Variants in FHIT observed in about 807,000 individuals in gnomAD.
FHIT encodes the protein fragile histidine triad diadenosine triphosphatase.
Under a neutral mutation model 17.9 loss-of-function variants are expected in FHIT, and 19 were observed. That is an observed-to-expected ratio of 1.06 (90% confidence interval 0.74 to 1.56). FHIT has a LOEUF of 1.56. FHIT is among the 40% of genes most tolerant of loss of function. The pLI is 0.00. For missense variants in FHIT, 248 were observed against 189.2 expected (o/e 1.31, Z -1.82); for synonymous variants, 81 against 69.7 (o/e 1.16, Z -0.81).
intron 7 of FHIT, among the ~76,000 whole-genome samples, chr3:59,923,741 G>C (rs747008327): frequency 6.6e-6 from 1 of 152,098 alleles, no homozygotes; most frequent in Middle Eastern, 3.2e-3. Flanking sequence ...TGATTACTGC[G>C]ATCGGGTTCC....
intron 4 of FHIT, among the ~76,000 whole-genome samples, chr3:60,744,511 G>C (rs1275895479): frequency 6.6e-6 from 1 of 152,142 alleles, no homozygotes; most frequent in African/African-American, 2.4e-5. Context: ...AGAGAAACAG[G>C]AGAGAATAAT....
At chr3:61,041,796 G>C (rs2033530994) in intron 3 of FHIT, among the ~76,000 whole-genome samples, 1 of 151,628 alleles carries the variant, frequency 6.6e-6, no homozygotes, top group Non-Finnish European at 1.5e-5. Flanking sequence ...TTATGAACCA[G>C]AACAATACCT....
intron 5 of FHIT, among the ~76,000 whole-genome samples, chr3:60,500,227 A>G (rs1246692694): frequency 6.6e-6 from 1 of 152,158 alleles, no homozygotes; most frequent in Non-Finnish European, 1.5e-5. Flanking sequence ...TGTTGCTTTC[A>G]CACTAGAATG....
At chr3:60,190,629 A>G (rs213427) in intron 5 of FHIT, among the ~76,000 whole-genome samples, 116,911 of 151,610 alleles carry the variant, frequency 0.77, 45,231 homozygotes, top group East Asian at 0.96. Context: ...GTGGGGGAGC[A>G]GGGAGGGATA....
At chr3:59,863,073 CCG>C (rs1241342226) in intron 8 of FHIT, among the ~76,000 whole-genome samples, 4 of 152,174 alleles carry the variant, frequency 2.6e-5, no homozygotes, top group Non-Finnish European at 5.9e-5. Context: ...ATAGTCCTAT[CCG>C]AGGAATAGTC....
At chr3:61,113,007 T>C (rs1242584579) in intron 2 of FHIT, among the ~76,000 whole-genome samples, 1 of 149,558 alleles carries the variant, frequency 6.7e-6, no homozygotes, top group Non-Finnish European at 1.5e-5. Context: ...TGTTTATTTG[T>C]TTGTTTGTTT....
intron 5 of FHIT, among the ~76,000 whole-genome samples, chr3:60,382,688 G>T (rs1163153573): frequency 6.6e-6 from 1 of 152,124 alleles, no homozygotes; most frequent in African/African-American, 2.4e-5. Flanking sequence ...TCTAATCAGA[G>T]GTTTTTTTAC....
chr3:60,730,874 T>A (rs552132799), intron 4 of FHIT, among the ~76,000 whole-genome samples: 2 of 150,776 alleles, frequency 1.3e-5, no homozygotes, highest in East Asian at 3.9e-4. Context: ...CCTAGCACTT[T>A]GGGAGGCTGA....
intron 5 of FHIT, among the ~76,000 whole-genome samples, chr3:60,339,792 T>A (rs1305648807): frequency 6.6e-6 from 1 of 152,184 alleles, no homozygotes; most frequent in Non-Finnish European, 1.5e-5. Context: ...GCACCATGTG[T>A]AAATCATCCA....
At chr3:61,224,843 A>G (rs1261690098) in intron 1 of FHIT, among the ~76,000 whole-genome samples, 1 of 152,234 alleles carries the variant, frequency 6.6e-6, no homozygotes, top group Non-Finnish European at 1.5e-5. Context: ...ATATACATAC[A>G]GTGTGGATGG....
intron 5 of FHIT, among the ~76,000 whole-genome samples, chr3:60,464,032 G>T (rs1239510697): frequency 1.3e-5 from 2 of 152,210 alleles, no homozygotes; most frequent in Admixed American, 1.3e-4. Context: ...TGCACAGTTT[G>T]GAATCATCAT....
At chr3:59,961,446 T>C (rs1391359179) in intron 7 of FHIT, among the ~76,000 whole-genome samples, 1 of 152,170 alleles carries the variant, frequency 6.6e-6, no homozygotes, top group Non-Finnish European at 1.5e-5. Flanking sequence ...TTATCTGAAA[T>C]CCACTGATGT....
chr3:61,002,194 T>C (rs950751769), intron 3 of FHIT, among the ~76,000 whole-genome samples: 3 of 152,376 alleles, frequency 2.0e-5, no homozygotes, highest in South Asian at 2.1e-4. Flanking sequence ...TTTTATTTAC[T>C]ATAGTCACAA....
At chr3:60,600,519 A>G (rs1207848145) in intron 4 of FHIT, among the ~76,000 whole-genome samples, 5 of 152,144 alleles carry the variant, frequency 3.3e-5, no homozygotes, top group Admixed American at 2.0e-4. Context: ...ACACCTATAA[A>G]ACCAATAAAG....
At chr3:61,057,654 T>C (rs772542041) in intron 2 of FHIT, among the ~76,000 whole-genome samples, 5 of 152,138 alleles carry the variant, frequency 3.3e-5, no homozygotes, top group South Asian at 2.1e-4. Flanking sequence ...ACCCAGGCCA[T>C]TGGAACATTA....
intron 5 of FHIT, among the ~76,000 whole-genome samples, chr3:60,280,597 T>C (rs62248469): frequency 0.25 from 38,626 of 151,870 alleles, 5,706 homozygotes; most frequent in East Asian, 0.72. Flanking sequence ...AAAGAATATA[T>C]GGAGCTACCA....
intron 5 of FHIT, among the ~76,000 whole-genome samples, chr3:60,252,869 G>T (rs1235459954): frequency 6.6e-6 from 1 of 151,810 alleles, no homozygotes; most frequent in African/African-American, 2.4e-5. Context: ...GTGGTGGCGG[G>T]TGCCTGTAGT....
At chr3:61,189,792 T>G (rs1488408969) in intron 2 of FHIT, among the ~76,000 whole-genome samples, 1 of 152,060 alleles carries the variant, frequency 6.6e-6, no homozygotes, top group East Asian at 1.9e-4. Flanking sequence ...TATCTACAAC[T>G]ATCTGATCTT....
At chr3:59,824,474 TATA>T (rs1452213352) in intron 8 of FHIT, among the ~76,000 whole-genome samples, 6 of 152,252 alleles carry the variant, frequency 3.9e-5, no homozygotes, top group Non-Finnish European at 7.3e-5. Flanking sequence ...ACATGTCTGT[TATA>T]ATAATATTTT....
Sources: gnomAD v4.1 joint callset for allele counts (sites outside exome capture counted in the v4.1 genomes callset) on GRCh38, gnomAD v4.1.1 for gene constraint, MANE v1.5 for transcripts, NCBI Gene and HGNC (gene_info 2026-07-23, HGNC 2026-07-21) for gene names.